The following CSMD3 variants were observed in gnomAD, a reference collection of about 807,000 sequenced individuals.
CSMD3 encodes CUB and Sushi multiple domains 3.
In CSMD3, 177 loss-of-function variants were observed where a neutral mutation model predicts 435.2. The observed-to-expected ratio is 0.41, with a 90% CI of 0.36 to 0.46. The LOEUF is 0.46. CSMD3 is among the 20% of genes least tolerant of loss of function. CSMD3 has a pLI of 0.34. For missense variants in CSMD3, 4,265 were observed against 4,504.6 expected (o/e 0.95, Z 1.52); for synonymous variants, 1,656 against 1,520.5 (o/e 1.09, Z -2.07).
chr8:112,458,215 C>CACACACACACACACACACACACA (rs1554579456), intron 32 of CSMD3, among the ~76,000 whole-genome samples: 20 of 150,690 alleles, frequency 1.3e-4, no homozygotes, highest in Admixed American at 3.3e-4. Flanking sequence ...ACACTCACAC[C>CACACACACACACACACACACACA]CACACACACA....
intron 3 of CSMD3, among the ~76,000 whole-genome samples, chr8:113,245,649 C>A (rs568803507): frequency 6.6e-6 from 1 of 151,954 alleles, no homozygotes; most frequent in Non-Finnish European, 1.5e-5. Flanking sequence ...TAAAATCAGA[C>A]AGAATATTTT....
chr8:113,214,503 C>A (rs1032325506), intron 3 of CSMD3, among the ~76,000 whole-genome samples: 2 of 151,930 alleles, frequency 1.3e-5, no homozygotes, highest in African/African-American at 4.8e-5. Flanking sequence ...CAGTGTATAA[C>A]AAGGATATAT....
intron 66 of CSMD3, among the ~76,000 whole-genome samples, chr8:112,238,103 T>C (rs948146786): frequency 1.3e-5 from 2 of 152,004 alleles, no homozygotes; most frequent in African/African-American, 4.8e-5. Flanking sequence ...GTTATATAAA[T>C]TGGTTATGTC....
At chr8:113,343,403 C>T (rs968766620) in intron 1 of CSMD3, among the ~76,000 whole-genome samples, 7 of 152,016 alleles carry the variant, frequency 4.6e-5, no homozygotes, top group South Asian at 2.1e-4. Flanking sequence ...AAATTGAAAA[C>T]ATATCAATAC....
Position 113,377,019 on chromosome 8 carries a change from G to T in CSMD3, c.178+59658C>A. The T allele has an allele frequency of 2.3e-6, 3 of 1,324,444 alleles. No homozygotes were observed. The South Asian group carries it at 4.0e-5, about 17-fold the overall frequency. 82.0% of individuals were successfully genotyped at this position (1,324,444 alleles called of 1,614,324 possible). On this transcript the variant is annotated intron_variant, in intron 1 of 70. Transcript: ENST00000297405. ...CCCGCAGCCACATCTTCTAGGGAGT[G>T]GGGTGGGGTGGGGGTGGGGCGGAGC...
At chr8:113,139,012 G>A (rs2091485236) in intron 4 of CSMD3, among the ~76,000 whole-genome samples, 1 of 150,734 alleles carries the variant, frequency 6.6e-6, no homozygotes, top group African/African-American at 2.4e-5. Context: ...TAAGATTTTT[G>A]AGAAATCCTT....
In CSMD3 at chr8:112,942,612, A is replaced by G. The variant is rs532117863; in HGVS notation, c.1508+5178T>C. On this transcript the variant is annotated intron_variant, in intron 9 of 70. Coordinates refer to ENST00000297405, the MANE Select transcript of CSMD3 (RefSeq NM_198123.2). ...GTCCTAAGCAAACTAACACAGGAATAGAAAACCAAATACCAAGTGTTCTCA... is the reference window on the plus strand; with the variant it reads ...GTCCTAAGCAAACTAACACAGGAATGGAAAACCAAATACCAAGTGTTCTCA... 3.3e-5 allele frequency among the ~76,000 whole-genome samples: 5 copies of G among 152,006 alleles called. No homozygotes were observed. The South Asian group carries it at 8.3e-4, about 25-fold the overall frequency.
At chr8:113,014,174 C>T (rs778714596) in intron 6 of CSMD3, among the ~76,000 whole-genome samples, 1 of 152,102 alleles carries the variant, frequency 6.6e-6, no homozygotes, top group East Asian at 1.9e-4. Flanking sequence ...TCACAGCTAA[C>T]GTTCCTATTT....
At chr8:112,588,487 A>G (rs1286091206) in intron 22 of CSMD3, among the ~76,000 whole-genome samples, 1 of 152,026 alleles carries the variant, frequency 6.6e-6, no homozygotes, top group Non-Finnish European at 1.5e-5. Context: ...CAAAGTTCCA[A>G]TATTGATTTA....
chr8:112,247,624 A>G (rs1300915492), intron 63 of CSMD3, among the ~76,000 whole-genome samples: 1 of 152,136 alleles, frequency 6.6e-6, no homozygotes, highest in East Asian at 1.9e-4. Flanking sequence ...GGAAATATAC[A>G]ATGGAAGATA....
chr8:113,311,998 C>T (rs1228501273), intron 2 of CSMD3: 1 of 151,952 alleles, frequency 6.6e-6, no homozygotes, highest in Non-Finnish European at 1.5e-5. Flanking sequence ...ATATATTACA[C>T]CTGTTTGAAA....
intron 3 of CSMD3, among the ~76,000 whole-genome samples, chr8:113,204,668 A>T (rs2092751482): frequency 6.6e-6 from 1 of 152,122 alleles, no homozygotes; most frequent in Non-Finnish European, 1.5e-5. Flanking sequence ...TGCCCTCTAC[A>T]GGTGTCCTAT....
intron 5 of CSMD3, among the ~76,000 whole-genome samples, chr8:113,021,792 T>C (rs149047368): frequency 2.4e-4 from 36 of 152,180 alleles, no homozygotes; most frequent in Non-Finnish European, 4.7e-4. Context: ...CTGAAGAAAG[T>C]AGAGCTGCAG....
At chr8:112,404,258 G>A (rs929002783) in intron 35 of CSMD3, among the ~76,000 whole-genome samples, 8 of 152,060 alleles carry the variant, frequency 5.3e-5, no homozygotes, top group African/African-American at 1.7e-4. Flanking sequence ...GGCTGGGTGC[G>A]GTGGCTCGCA....
At chr8:112,963,456 C>T (rs2130874771) in intron 7 of CSMD3, among the ~76,000 whole-genome samples, 1 of 152,062 alleles carries the variant, frequency 6.6e-6, no homozygotes, top group East Asian at 1.9e-4. Context: ...CTGTATTCAA[C>T]ATCTCTTAAT....
chr8:113,302,132 A>G (rs1247190046), intron 2 of CSMD3, among the ~76,000 whole-genome samples: 1 of 150,222 alleles, frequency 6.7e-6, no homozygotes, highest in Non-Finnish European at 1.5e-5. Context: ...GAACCTATTT[A>G]TGTTCACACT....
At chr8:113,026,184 G>A (rs977537023) in intron 5 of CSMD3, among the ~76,000 whole-genome samples, 1 of 152,132 alleles carries the variant, frequency 6.6e-6, no homozygotes, top group Admixed American at 6.5e-5. Context: ...TGTATGTCGG[G>A]AACGGGGACT....
At chr8:112,699,122 C>G (rs199809417) in intron 13 of CSMD3, among the ~76,000 whole-genome samples, 5 of 152,106 alleles carry the variant, frequency 3.3e-5, no homozygotes, top group African/African-American at 1.2e-4. Context: ...AACCCGCTCG[C>G]GTCCCCTTCC....
chr8:112,841,467 T>C (rs2132532678), intron 11 of CSMD3, among the ~76,000 whole-genome samples: 1 of 152,010 alleles, frequency 6.6e-6, no homozygotes, highest in African/African-American at 2.4e-5. Context: ...TTCCTCTTTA[T>C]TCCATTAAGG....
Sources: gnomAD v4.1 joint callset for allele counts (sites outside exome capture counted in the v4.1 genomes callset) on GRCh38, gnomAD v4.1.1 for gene constraint, MANE v1.5 for transcripts, NCBI Gene and HGNC (gene_info 2026-07-23, HGNC 2026-07-21) for gene names.